The following DCDC1 variants were observed in gnomAD, a reference collection of about 807,000 sequenced individuals.
DCDC1 encodes the protein doublecortin domain containing 1.
A neutral mutation model predicts 178.3 loss-of-function variants in DCDC1; 200 were observed. That is an observed-to-expected ratio of 1.12 (90% CI 1.00 to 1.26). The LOEUF (loss-of-function observed/expected upper bound fraction) is 1.26. Among genes scored for constraint, DCDC1 ranks in the 50% most tolerant of loss-of-function variants. The pLI, the probability that DCDC1 is intolerant of heterozygous loss-of-function variation, is 0.00. For missense variants in DCDC1, 1,983 were observed against 1,749.2 expected (o/e 1.13, Z -2.38); for synonymous variants, 690 against 604.8 (o/e 1.14, Z -2.07).
At chr11:30,970,545 T>A (rs537052015) in intron 20 of DCDC1, among the ~76,000 whole-genome samples, 6 of 152,160 alleles carry the variant, frequency 3.9e-5, no homozygotes, top group Non-Finnish European at 7.3e-5. Flanking sequence ...TGCTGGCAGT[T>A]GCCACCAAGG....
chr11:31,068,255 T>C (rs551882733), intron 18 of DCDC1, among the ~76,000 whole-genome samples: 1 of 152,328 alleles, frequency 6.6e-6, no homozygotes, highest in Non-Finnish European at 1.5e-5. Context: ...TAGTTGTACA[T>C]ATTTTGGGGG....
rs1381716179 is a variant in DCDC1 at position 31,214,950 on chromosome 11, A to G, written c.1221+26500T>C. Among the ~76,000 whole-genome samples the G allele has an allele frequency of 2.0e-5, 3 of 151,720 alleles. No individual in the cohort carries two copies. In the East Asian group the frequency reaches 5.8e-4, roughly 29 times the overall value. ...GAAACTTAATATTTTTATATATTTAATATTTTAAAATATTCATGTCATATA... is the reference window on the plus strand; with the variant it reads ...GAAACTTAATATTTTTATATATTTAGTATTTTAAAATATTCATGTCATATA... On this transcript the variant is annotated intron_variant, in intron 9 of 38. Transcript: ENST00000684477.
Position 30,990,702 on chromosome 11 carries a change from C to T in DCDC1, c.2592-38134G>A, listed in dbSNP as rs374347562. Among the ~76,000 whole-genome samples, 125 of 152,228 alleles carry T rather than the reference C, an allele frequency of 8.2e-4. 3 individuals carry two copies. In the South Asian group the frequency reaches 0.025, roughly 31 times the overall value. On this transcript the variant is annotated intron_variant, in intron 20 of 38. Transcript: ENST00000684477. ...TTTAGTTTACACTAATAACAAAGCA[C>T]GTGTGTTTTATAATACAATTCTATG...
At chr11:31,015,826 T>C (rs530397644) in intron 20 of DCDC1, among the ~76,000 whole-genome samples, 1 of 152,280 alleles carries the variant, frequency 6.6e-6, no homozygotes, top group South Asian at 2.1e-4. Flanking sequence ...TCAGCCACTG[T>C]GTAAAGGGCC....
intron 21 of DCDC1, among the ~76,000 whole-genome samples, chr11:30,934,261 G>A (rs1402396270): frequency 1.3e-5 from 2 of 152,102 alleles, no homozygotes; most frequent in Non-Finnish European, 2.9e-5. Flanking sequence ...ATATGTATTG[G>A]GATCAAAAGA....
In DCDC1 at chr11:31,147,577, T is replaced by C. The variant is rs1207855611; in HGVS notation, c.1222-9793A>G. ...TTAACCATTATAATATATGAAGGAC[T>C]TCTTTAAACTTGTGACATGATTAAG... On this transcript the variant is annotated intron_variant, in intron 9 of 38. Coordinates refer to ENST00000684477, the MANE Select transcript of DCDC1 (RefSeq NM_001387274.1). Among the ~76,000 whole-genome samples the C allele has an allele frequency of 2.0e-5, 3 of 152,322 alleles. No individual in the cohort carries two copies. In the East Asian group the frequency reaches 5.8e-4, roughly 29 times the overall value.
chr11:30,880,973 C>A (rs576336569), intron 37 of DCDC1, among the ~76,000 whole-genome samples, 185 bp downstream of exon 37: 1 of 152,270 alleles, frequency 6.6e-6, no homozygotes, highest in South Asian at 2.1e-4. Context: ...TTCTCCAGAG[C>A]AAACAGTGTT....
chr11:31,130,453 C>A (rs1355889637), intron 10 of DCDC1, among the ~76,000 whole-genome samples: 1 of 152,142 alleles, frequency 6.6e-6, no homozygotes, highest in Non-Finnish European at 1.5e-5. Flanking sequence ...CCACCCCACC[C>A]CATGAAAACA....
chr11:31,225,110 T>C (rs1485931225), intron 9 of DCDC1, among the ~76,000 whole-genome samples: 1 of 152,070 alleles, frequency 6.6e-6, no homozygotes, highest in Non-Finnish European at 1.5e-5. Context: ...GGAACAAGCC[T>C]AAATGCCCAT....
At chr11:30,908,019 T>C (rs1565058216) in intron 29 of DCDC1, among the ~76,000 whole-genome samples, 1 of 152,146 alleles carries the variant, frequency 6.6e-6, no homozygotes, top group Non-Finnish European at 1.5e-5. Flanking sequence ...GAAAAAATGA[T>C]AGAATTAGAC....
intron 20 of DCDC1, among the ~76,000 whole-genome samples, chr11:30,973,871 C>T (rs1003150730): frequency 6.6e-6 from 1 of 152,000 alleles, no homozygotes; most frequent in Admixed American, 6.5e-5. Flanking sequence ...ATTTAAACTG[C>T]ATGTTAGACC....
chr11:31,240,554 C>G (rs928700330), intron 9 of DCDC1, among the ~76,000 whole-genome samples: 2 of 151,972 alleles, frequency 1.3e-5, no homozygotes, highest in African/African-American at 4.8e-5. Context: ...CCTCCCCTTC[C>G]TCTCTGCAAG....
intron 11 of DCDC1, among the ~76,000 whole-genome samples, chr11:31,115,556 G>T (rs1959770086): frequency 6.6e-6 from 1 of 152,168 alleles, no homozygotes; most frequent in South Asian, 2.1e-4. Context: ...TAGAGGTCTG[G>T]TGAAGGAAAG....
intron 20 of DCDC1, among the ~76,000 whole-genome samples, chr11:31,001,008 T>C (rs763150078): frequency 2.0e-5 from 3 of 152,168 alleles, no homozygotes; most frequent in Non-Finnish European, 2.9e-5. Flanking sequence ...TTAACATCCA[T>C]TGATGGTTCT....
In DCDC1 at chr11:31,137,803, C is replaced by A; in HGVS notation, c.1222-19G>T. 1.4e-6 allele frequency: 1 copy of A among 700,564 alleles called. No individual in the cohort carries two copies. Among genetic ancestry groups the A allele is most frequent in the Non-Finnish European group, 2.6e-6 (1 of 384,016 alleles). 43.4% of individuals were successfully genotyped at this position (700,564 alleles called of 1,614,324 possible). The stretch of plus-strand genomic sequence containing the variant: ...GGTTCAACTAGAAAAAACAAATAAA[C>A]AGCATGAAAGCAGGTATCTATTGAC... On this transcript the variant is annotated intron_variant, in intron 9 of 38. Coordinates refer to ENST00000684477, the MANE Select transcript of DCDC1 (RefSeq NM_001387274.1).
chr11:30,949,815 T>C (rs1043741083), intron 21 of DCDC1, among the ~76,000 whole-genome samples: 2 of 113,718 alleles, frequency 1.8e-5, no homozygotes, highest in East Asian at 2.7e-4. Flanking sequence ...TGAGAACAGA[T>C]GGACACAGGG....
At chr11:30,907,634 A>T (rs978719022) in intron 29 of DCDC1, among the ~76,000 whole-genome samples, 1 of 152,048 alleles carries the variant, frequency 6.6e-6, no homozygotes, top group Non-Finnish European at 1.5e-5. Flanking sequence ...TGAAGAACCA[A>T]TGTTCCCAGC....
intron 28 of DCDC1, 31 bp from the exon 29 acceptor site, chr11:30,909,147 T>C: frequency 3.2e-6 from 5 of 1,581,234 alleles, no homozygotes; most frequent in Non-Finnish European, 4.3e-6. Flanking sequence ...TGGAGTCAAG[T>C]GAGTTCATGT....
chr11:31,049,419 G>C (rs1192597410), intron 20 of DCDC1, among the ~76,000 whole-genome samples: 1 of 152,046 alleles, frequency 6.6e-6, no homozygotes, highest in African/African-American at 2.4e-5. Context: ...GCAGAAAGAA[G>C]GTACTTAATG....
Sources: allele counts gnomAD v4.1 joint callset (sites outside exome capture counted in the v4.1 genomes callset), GRCh38; gene constraint gnomAD v4.1.1; transcripts MANE v1.5; gene names NCBI Gene and HGNC (gene_info 2026-07-23, HGNC 2026-07-21).